DNAH3: variants seen among roughly 807,000 people sequenced by gnomAD.
DNAH3 encodes axonemal beta dynein heavy chain 3.
A neutral mutation model predicts 432.5 loss-of-function variants in DNAH3; 332 were observed. The ratio of observed to expected loss-of-function variants is 0.77; its 90% CI spans 0.70 to 0.84. The LOEUF is 0.84. Ranked by LOEUF, DNAH3 falls within the 40% of genes least tolerant of loss-of-function variation. The pLI, the probability that DNAH3 is intolerant of heterozygous loss-of-function variation, is 0.00. For missense variants in DNAH3, 4,861 were observed against 5,114.0 expected (o/e 0.95, Z 1.51); for synonymous variants, 1,956 against 1,900.2 (o/e 1.03, Z -0.76).
chr16:20,987,895 CTG>C (rs759079916), intron 45 of DNAH3, 45 bp downstream of exon 45: 3 of 1,613,992 alleles, frequency 1.9e-6, no homozygotes, highest in Admixed American at 1.7e-5. Flanking sequence ...GGGCCAGAAA[CTG>C]AGAACCCCCA....
chr16:21,100,018 C>A (rs1220114972), intron 16 of DNAH3, among the ~76,000 whole-genome samples: 1 of 152,134 alleles, frequency 6.6e-6, no homozygotes, highest in African/African-American at 2.4e-5. Context: ...ATGCTTAATT[C>A]TGTTATGGCA....
At chr16:21,152,783 AG>A (rs2092869004) in intron 1 of DNAH3, among the ~76,000 whole-genome samples, 3 of 152,218 alleles carry the variant, frequency 2.0e-5, no homozygotes, top group Admixed American at 2.0e-4. Context: ...CAGCAGTGCT[AG>A]CCCACCGGCG....
intron 56 of DNAH3, among the ~76,000 whole-genome samples, chr16:20,949,263 C>CAAAAA (rs34267850): frequency 1.5e-5 from 1 of 66,008 alleles, no homozygotes; most frequent in Non-Finnish European, 2.8e-5. Context: ...GAGACTGTCT[C>CAAAAA]AAAAAAAAAA....
At chr16:21,111,746 G>A (rs2092077934) in exon 14 of DNAH3, 1 of 1,613,882 alleles carries the variant, frequency 6.2e-7, no homozygotes, top group African/African-American at 1.3e-5. Context: ...CATGGCTAAA[G>A]GCACGGTGAT....
intron 35 of DNAH3, among the ~76,000 whole-genome samples, chr16:21,036,512 T>G (rs2089177097): frequency 6.6e-6 from 1 of 152,158 alleles, no homozygotes; most frequent in Admixed American, 6.6e-5. Context: ...ACTCCTGGGC[T>G]CAAACGATCC....
intron 56 of DNAH3, among the ~76,000 whole-genome samples, chr16:20,948,933 C>T (rs1195380339): frequency 2.0e-5 from 3 of 152,078 alleles, no homozygotes; most frequent in Admixed American, 6.6e-5. Context: ...AACCCATGCC[C>T]ATCAAAACCC....
chr16:21,157,956 G>A (rs1026006272), intron 1 of DNAH3, among the ~76,000 whole-genome samples: 1 of 151,932 alleles, frequency 6.6e-6, no homozygotes, highest in African/African-American at 2.4e-5. Context: ...AATGGGTAGA[G>A]GCTAGGATAT....
At chr16:21,022,396 T>C (rs2088286485) in intron 39 of DNAH3, among the ~76,000 whole-genome samples, 3 of 152,190 alleles carry the variant, frequency 2.0e-5, no homozygotes. Context: ...ATGCATAAAA[T>C]GTGTTTAGAA....
chr16:21,098,830 C>T, intron 16 of DNAH3, 61 bp from the exon 17 acceptor site: 1 of 1,543,310 alleles, frequency 6.5e-7, no homozygotes, highest in Non-Finnish European at 8.8e-7. Flanking sequence ...TTCAAAACAT[C>T]AGCACTGCTT....
At chr16:21,050,652 C>A (rs375454235) in intron 29 of DNAH3, among the ~76,000 whole-genome samples, 5 of 152,162 alleles carry the variant, frequency 3.3e-5, no homozygotes, top group African/African-American at 1.2e-4. Flanking sequence ...GTTGCCCAAG[C>A]GGGTTGGTCT....
At chr16:21,100,675 G>A (rs1165668429) in intron 16 of DNAH3, among the ~76,000 whole-genome samples, 1 of 152,170 alleles carries the variant, frequency 6.6e-6, no homozygotes, top group Non-Finnish European at 1.5e-5. Context: ...CATCCATCGT[G>A]TAAATATCAC....
chr16:21,076,107 T>G (rs2090966988), intron 20 of DNAH3, among the ~76,000 whole-genome samples: 1 of 152,072 alleles, frequency 6.6e-6, no homozygotes, highest in South Asian at 2.1e-4. Context: ...AAATATTGTC[T>G]CCTCAAAAAT....
At chr16:21,120,629 C>T (rs2092315783) in intron 11 of DNAH3, 4 of 834,006 alleles carry the variant, frequency 4.8e-6, no homozygotes, top group Non-Finnish European at 8.0e-6. Flanking sequence ...GTTGTTTTTC[C>T]TTATTGTCTC....
chr16:20,971,438 T>C (rs2085338305), intron 51 of DNAH3, among the ~76,000 whole-genome samples: 1 of 152,118 alleles, frequency 6.6e-6, no homozygotes, highest in Non-Finnish European at 1.5e-5. Context: ...GCCACAGCCC[T>C]GAAAGGTCCA....
At position 20,975,428 on chromosome 16, in the gene DNAH3, G is replaced by A; in HGVS notation, c.8077-13C>T. ...GCATAACCGCTACCTAGCAAGGAGA[G>A]AGGTGGGAGAAATCCAGGGTCAGCA... is the stretch of plus-strand genomic sequence containing the variant. On this transcript the variant is annotated splice_polypyrimidine_tract_variant and intron_variant, in intron 50 of 61. Coordinates refer to ENST00000261383, the Ensembl canonical transcript of DNAH3. 6.2e-7 allele frequency: 1 copy of A among 1,609,298 alleles called. No homozygotes were observed. The highest frequency in any genetic ancestry group is 1.1e-5 in the South Asian group (1 of 90,096).
At chr16:21,154,215 CCAA>C (rs1340238617) in intron 1 of DNAH3, among the ~76,000 whole-genome samples, 3 of 152,298 alleles carry the variant, frequency 2.0e-5, no homozygotes, top group African/African-American at 7.2e-5. Flanking sequence ...ACCAACCTGG[CCAA>C]CATGGTGAAA....
intron 7 of DNAH3, among the ~76,000 whole-genome samples, chr16:21,130,590 C>A (rs2092539259): frequency 1.3e-5 from 2 of 152,304 alleles, no homozygotes; most frequent in South Asian, 4.2e-4. Flanking sequence ...CAGGCATGAG[C>A]CACCACGCCC....
chr16:21,141,337 T>C (rs1292835402), exon 4 of DNAH3: 1 of 1,592,168 alleles, frequency 6.3e-7, no homozygotes, highest in Non-Finnish European at 8.6e-7. Context: ...GAAAACTTCG[T>C]TTTTTTCCTC....
intron 50 of DNAH3, 22 bp from the exon 51 acceptor site, chr16:20,975,437 G>A (rs780374277): frequency 1.9e-6 from 3 of 1,607,672 alleles, no homozygotes; most frequent in Admixed American, 1.7e-5. Flanking sequence ...AGAGGTGGGA[G>A]AAATCCAGGG....
Sources: gnomAD v4.1 joint callset for allele counts (sites outside exome capture counted in the v4.1 genomes callset) on GRCh38, gnomAD v4.1.1 for gene constraint, MANE v1.5 for transcripts, NCBI Gene and HGNC (gene_info 2026-07-23, HGNC 2026-07-21) for gene names.